The following SLC7A7 variants were observed in gnomAD, a reference collection of about 807,000 sequenced individuals.
The protein encoded by SLC7A7 is solute carrier family 7 member 7.
SLC7A7 carries 39 observed loss-of-function variants against 47.9 expected under a neutral mutation model. The observed-to-expected ratio is 0.81, with a 90% confidence interval of 0.63 to 1.06. The LOEUF is 1.06. Ranked by LOEUF, SLC7A7 falls within the 50% of genes least tolerant of loss-of-function variation. The pLI, the probability that SLC7A7 is intolerant of heterozygous loss-of-function variation, is 0.00. For missense variants in SLC7A7, 588 were observed against 632.0 expected (o/e 0.93, Z 0.75); for synonymous variants, 234 against 242.8 (o/e 0.96, Z 0.34).
chr14:22,808,455 G>A (rs575632010), intron 2 of SLC7A7, among the ~76,000 whole-genome samples: 26 of 152,296 alleles, frequency 1.7e-4, no homozygotes, highest in African/African-American at 6.3e-4. Context: ...TTCTCACTTA[G>A]GCTAATCAGA....
chr14:22,777,473 C>T (rs1439058283), intron 4 of SLC7A7, among the ~76,000 whole-genome samples: 1 of 152,108 alleles, frequency 6.6e-6, no homozygotes, highest in Non-Finnish European at 1.5e-5. Flanking sequence ...CAGGAGCCAT[C>T]CTAACTGGTG....
Position 22,775,820 on chromosome 14 carries a change from T to G in SLC7A7, c.998+13A>C. Reference sequence around the variant, plus strand: ...TTTGATGATACACCCCTCACAAAAGTTGCCACTCTTACCTAGAAGCAGCCA... The same window carrying G: ...TTTGATGATACACCCCTCACAAAAGGTGCCACTCTTACCTAGAAGCAGCCA... On this transcript the variant is annotated intron_variant, in intron 6 of 9. Transcript: ENST00000674313. 1.3e-6 allele frequency: 2 copies of G among 1,595,284 alleles called. No homozygotes were observed. The highest frequency in any genetic ancestry group is 3.3e-5 in the Admixed American group (2 of 59,994).
chr14:22,799,448 C>CTTTT (rs56375225), intron 2 of SLC7A7, among the ~76,000 whole-genome samples: 998 of 76,180 alleles, frequency 0.013, 1 homozygote, highest in African/African-American at 0.018. Context: ...TTTTTTCTTT[C>CTTTT]TTTTTTTTTT....
chr14:22,795,035 T>TAGTC (rs1439145943), intron 2 of SLC7A7, among the ~76,000 whole-genome samples: 5 of 151,970 alleles, frequency 3.3e-5, no homozygotes, highest in African/African-American at 9.7e-5. Context: ...CAGATTTATG[T>TAGTC]AGTCAGGGAG....
chr14:22,807,857 C>T (rs60718461), intron 2 of SLC7A7, among the ~76,000 whole-genome samples: 10,725 of 152,190 alleles, frequency 0.07, 450 homozygotes, highest in African/African-American at 0.1. Flanking sequence ...TCCTCCCCTA[C>T]AAAAATAAAG....
chr14:22,817,483 G>A (rs1029456002), upstream of SLC7A7, among the ~76,000 whole-genome samples: 45 of 152,278 alleles, frequency 3.0e-4, no homozygotes, highest in Admixed American at 2.8e-3. Context: ...GGGATTACAG[G>A]TGCACACCAC....
At chr14:22,815,864 A>G (rs1170838681), upstream of SLC7A7, 5 of 362,594 alleles carry the variant, frequency 1.4e-5, no homozygotes, top group Non-Finnish European at 2.7e-5. Flanking sequence ...AAGGTTGCAC[A>G]GTGTGACACA....
chr14:22,806,131 A>G (rs957771208), intron 2 of SLC7A7, among the ~76,000 whole-genome samples: 1 of 150,514 alleles, frequency 6.6e-6, no homozygotes, highest in Non-Finnish European at 1.5e-5. Context: ...AAAAAAAAAA[A>G]AAAAAAAAAC....
chr14:22,807,090 G>T (rs549297393), intron 2 of SLC7A7, among the ~76,000 whole-genome samples: 1 of 151,884 alleles, frequency 6.6e-6, no homozygotes, highest in East Asian at 1.9e-4. Context: ...TAGTAAAGAC[G>T]GGATTTCACT....
chr14:22,804,405 A>G (rs2039166508), intron 2 of SLC7A7, among the ~76,000 whole-genome samples: 1 of 152,210 alleles, frequency 6.6e-6, no homozygotes, highest in African/African-American at 2.4e-5. Context: ...AAAATAAATT[A>G]TCATCAGAGG....
At chr14:22,801,232 T>C (rs1364406546) in intron 2 of SLC7A7, among the ~76,000 whole-genome samples, 1 of 152,154 alleles carries the variant, frequency 6.6e-6, no homozygotes, top group Non-Finnish European at 1.5e-5. Flanking sequence ...CAACCTTTTC[T>C]TCCTGAAATT....
intron 2 of SLC7A7, among the ~76,000 whole-genome samples, chr14:22,798,684 G>C (rs181586946): frequency 2.5e-4 from 38 of 152,326 alleles, no homozygotes; most frequent in African/African-American, 8.2e-4. Flanking sequence ...TGAAGAGCAT[G>C]TCTACATTCC....
rs530639103 is a variant in SLC7A7 at position 22,774,226 on chromosome 14, A to G, written c.1246-110T>C. ...CACTGAGCCTTCTTTCCATACCTTT[A>G]ATTTCAACACATTACTAACGACCAA... On this transcript the variant is annotated intron_variant, in intron 8 of 9. Coordinates refer to ENST00000674313, the MANE Select transcript of SLC7A7 (RefSeq NM_003982.4). The G allele has an allele frequency of 1.5e-5, 24 of 1,588,006 alleles. No homozygotes were observed. The Admixed American group carries it at 3.7e-4, about 24-fold the overall frequency.
intron 2 of SLC7A7, among the ~76,000 whole-genome samples, chr14:22,801,945 T>C (rs1021512546): frequency 6.6e-6 from 1 of 152,212 alleles, no homozygotes; most frequent in African/African-American, 2.4e-5. Flanking sequence ...GAATGTTTAA[T>C]CTCCAACCCT....
At chr14:22,780,172 C>T in intron 2 of SLC7A7, 121 bp from the exon 3 acceptor site, 2 of 1,369,516 alleles carry the variant, frequency 1.5e-6, no homozygotes, top group East Asian at 2.4e-5. Context: ...AAGACAGACC[C>T]TCTGACCTGC....
At chr14:22,804,150 T>C (rs2039161861) in intron 2 of SLC7A7, among the ~76,000 whole-genome samples, 1 of 152,158 alleles carries the variant, frequency 6.6e-6, no homozygotes, top group African/African-American at 2.4e-5. Context: ...CCTAGCCATA[T>C]GCAGAAAATT....
chr14:22,812,764 A>G, intron 2 of SLC7A7, 136 bp downstream of exon 2: 1 of 509,770 alleles, frequency 2.0e-6, no homozygotes, highest in Non-Finnish European at 2.8e-6. Context: ...CACACAAAGC[A>G]TACTTTAACT....
intron 2 of SLC7A7, among the ~76,000 whole-genome samples, chr14:22,786,661 C>T (rs868536049): frequency 7.2e-5 from 11 of 152,114 alleles, no homozygotes; most frequent in East Asian, 3.9e-4. Flanking sequence ...TAGCTGGGTG[C>T]GATGGCTCAT....
At chr14:22,775,285 G>A (rs1201709986) in intron 7 of SLC7A7, among the ~76,000 whole-genome samples, 159 bp downstream of exon 7, 9 of 152,136 alleles carry the variant, frequency 5.9e-5, no homozygotes, top group Non-Finnish European at 1.3e-4. Flanking sequence ...CCCCTGTAGC[G>A]GTTAGCATAG....
Sources: allele counts gnomAD v4.1 joint callset (sites outside exome capture counted in the v4.1 genomes callset), GRCh38; gene constraint gnomAD v4.1.1; transcripts MANE v1.5; gene names NCBI Gene and HGNC (gene_info 2026-07-23, HGNC 2026-07-21).